Variants in PPP3R1 observed in about 807,000 individuals in gnomAD.
PPP3R1 encodes calcineurin subunit B type 1.
PPP3R1 carries 5 observed loss-of-function variants against 22.6 expected under a neutral mutation model. The ratio of observed to expected loss-of-function variants is 0.22; its 90% confidence interval spans 0.12 to 0.46. The LOEUF (loss-of-function observed/expected upper bound fraction) is 0.46, where lower values mean the gene tolerates loss of function less well. Ranked by LOEUF, PPP3R1 falls within the 20% of genes least tolerant of loss-of-function variation. PPP3R1 has a pLI of 0.99. For synonymous variants in PPP3R1, 56 were observed against 65.2 expected (o/e 0.86, Z 0.68); for missense variants, 61 against 203.2 (o/e 0.30, Z 4.25).
At chr2:68,203,742 T>C (rs778192624) in intron 2 of PPP3R1, among the ~76,000 whole-genome samples, 1 of 152,206 alleles carries the variant, frequency 6.6e-6, no homozygotes, top group Non-Finnish European at 1.5e-5. Context: ...AAAGTTATTA[T>C]CCTTAAACTT....
intron 1 of PPP3R1, among the ~76,000 whole-genome samples, chr2:68,235,101 A>C (rs962198622): frequency 2.6e-5 from 4 of 152,234 alleles, no homozygotes; most frequent in African/African-American, 9.6e-5. Flanking sequence ...TAGCAATGAG[A>C]ACAGATAAAG....
intron 5 of PPP3R1, among the ~76,000 whole-genome samples, chr2:68,181,844 T>C (rs560119325): frequency 2.6e-5 from 4 of 152,336 alleles, no homozygotes; most frequent in South Asian, 4.1e-4. Context: ...GTATATTATT[T>C]TTCTGTAGAG....
chr2:68,205,473 T>C (rs1287014419), intron 2 of PPP3R1, among the ~76,000 whole-genome samples: 3 of 151,964 alleles, frequency 2.0e-5, no homozygotes, highest in African/African-American at 7.3e-5. Context: ...CGAACTCAGG[T>C]GATCCACCCA....
At chr2:68,190,742 C>A (rs1392274549) in intron 2 of PPP3R1, among the ~76,000 whole-genome samples, 1 of 152,104 alleles carries the variant, frequency 6.6e-6, no homozygotes, top group African/African-American at 2.4e-5. Flanking sequence ...AAGACAATTT[C>A]TTTTGTTTTT....
At chr2:68,213,296 T>G (rs185374997) in intron 2 of PPP3R1, among the ~76,000 whole-genome samples, 8 of 152,346 alleles carry the variant, frequency 5.3e-5, no homozygotes, top group Admixed American at 4.6e-4. Context: ...GATTTAAAAT[T>G]AAAGATGTGT....
chr2:68,197,623 G>C lies in PPP3R1; in HGVS notation c.44-8933C>G, dbSNP rs191129363. 1.4e-4 allele frequency among the ~76,000 whole-genome samples: 22 copies of C among 152,036 alleles called. No individual in the cohort carries two copies. The South Asian group carries it at 4.4e-3, about 30-fold the overall frequency. ...TAGCTCCACATCCTTGCTAACAAGT[G>C]GTATTGCCTATTTTTTCATATATTT... On this transcript the variant is annotated intron_variant, in intron 2 of 5. Coordinates refer to ENST00000234310, the MANE Select transcript of PPP3R1 (RefSeq NM_000945.4).
At chr2:68,197,675 A>T (rs893382221) in intron 2 of PPP3R1, among the ~76,000 whole-genome samples, 6 of 152,180 alleles carry the variant, frequency 3.9e-5, no homozygotes, top group African/African-American at 4.8e-5. Flanking sequence ...CTTTTAAAAA[A>T]AAAGCGTTAT....
chr2:68,188,669 CT>C lies in PPP3R1; in HGVS notation c.64del (p.Arg22GlyfsTer2). On this transcript the variant is annotated frameshift_variant, in exon 3 of 6. Coordinates refer to ENST00000234310, the MANE Select transcript of PPP3R1 (RefSeq NM_000945.4). LOFTEE classifies it high-confidence loss of function. The part of the protein sequence containing the change: ...CSHFDADEIK[R>X]LGKRFKKLDL... ...AAGCTTCTTAAATCTCTTTCCTAGC[CT>C]TTTAATTTCATCCGCATCAACTAAA... 6.2e-7 allele frequency: 1 copy of C among 1,603,674 alleles called. No homozygotes were observed. The highest frequency in any genetic ancestry group is 8.5e-7 in the Non-Finnish European group (1 of 1,176,844).
chr2:68,182,965 CT>C (rs1215263607), intron 5 of PPP3R1, among the ~76,000 whole-genome samples: 1 of 152,148 alleles, frequency 6.6e-6, no homozygotes, highest in Non-Finnish European at 1.5e-5. Context: ...CTCTTTGAGC[CT>C]TCCAACCTGC....
At chr2:68,229,973 T>TACACACACACATACAC (rs369003153) in intron 1 of PPP3R1, among the ~76,000 whole-genome samples, 2 of 143,142 alleles carry the variant, frequency 1.4e-5, no homozygotes, top group East Asian at 4.1e-4. Flanking sequence ...TATACACACA[T>TACACACACACATACAC]ACACACACAC....
At chr2:68,238,097 C>T (rs1428150251) in intron 1 of PPP3R1, among the ~76,000 whole-genome samples, 1 of 152,068 alleles carries the variant, frequency 6.6e-6, no homozygotes, top group Non-Finnish European at 1.5e-5. Flanking sequence ...GTTTTCTAAA[C>T]ACTTATCCAC....
intron 1 of PPP3R1, among the ~76,000 whole-genome samples, chr2:68,247,036 A>T (rs1355819749): frequency 1.3e-5 from 2 of 151,236 alleles, no homozygotes; most frequent in Non-Finnish European, 3.0e-5. Flanking sequence ...GCTCACCACA[A>T]CCTCCACCTC....
chr2:68,241,622 G>C (rs532291644), intron 1 of PPP3R1, among the ~76,000 whole-genome samples: 1 of 152,168 alleles, frequency 6.6e-6, no homozygotes, highest in South Asian at 2.1e-4. Context: ...GCCAAGGTGG[G>C]CGGATCACCA....
intron 1 of PPP3R1, among the ~76,000 whole-genome samples, chr2:68,240,449 G>C (rs1670101297): frequency 1.3e-5 from 2 of 152,170 alleles, no homozygotes; most frequent in Non-Finnish European, 2.9e-5. Flanking sequence ...AAACAAAACA[G>C]ACAAGATGCC....
intron 1 of PPP3R1, among the ~76,000 whole-genome samples, chr2:68,233,758 A>G (rs1669963760): frequency 6.6e-6 from 1 of 152,164 alleles, no homozygotes; most frequent in African/African-American, 2.4e-5. Context: ...TACCTCAGAT[A>G]AACTAATTTA....
rs11322366 is a variant in PPP3R1, at chr2:68,208,927, ATT to A, written c.43+8163_43+8164del. Among the ~76,000 whole-genome samples, 551 of 149,332 alleles carry A rather than the reference ATT, an allele frequency of 3.7e-3. 12 individuals carry two copies. The highest frequency in any genetic ancestry group is 8.0e-4 in the Non-Finnish European group (54 of 67,440). On this transcript the variant is annotated intron_variant, in intron 2 of 5. Transcript: ENST00000234310. ...GACAAAGCAAGACTCTAAAAAAAAA[ATT>A]TTTTTTTTTAATTTAAAAAAAATCA...
chr2:68,240,903 A>C (rs1244844175), intron 1 of PPP3R1, among the ~76,000 whole-genome samples: 1 of 152,250 alleles, frequency 6.6e-6, no homozygotes, highest in Non-Finnish European at 1.5e-5. Flanking sequence ...CAAAGGCTGG[A>C]AACAGACTAA....
At chr2:68,240,706 G>T (rs1670107061) in intron 1 of PPP3R1, among the ~76,000 whole-genome samples, 1 of 152,204 alleles carries the variant, frequency 6.6e-6, no homozygotes, top group Admixed American at 6.5e-5. Flanking sequence ...CTGGGTGAAT[G>T]ACACAAGGCC....
At chr2:68,211,403 T>C (rs1222442064) in intron 2 of PPP3R1, among the ~76,000 whole-genome samples, 1 of 14,422 alleles carries the variant, frequency 6.9e-5, no homozygotes, top group East Asian at 1.5e-3. Context: ...CGAGACTCTG[T>C]CTCAAAAAAA....
Sources: gnomAD v4.1 joint callset for allele counts (sites outside exome capture counted in the v4.1 genomes callset) on GRCh38, gnomAD v4.1.1 for gene constraint, MANE v1.5 for transcripts, NCBI Gene and HGNC (gene_info 2026-07-23, HGNC 2026-07-21) for gene names.